The following ZNF814 variants were observed in gnomAD, a reference collection of about 807,000 sequenced individuals.
The protein encoded by ZNF814 is zinc finger protein 814.
In ZNF814, 5 loss-of-function variants were observed where a neutral mutation model predicts 7.5. That is an observed-to-expected ratio of 0.67 (90% CI 0.35 to 1.40). The LOEUF (loss-of-function observed/expected upper bound fraction) is 1.40. ZNF814 is among the 40% of genes most tolerant of loss of function. The probability of loss-of-function intolerance (pLI) is 0.04; values close to 1 mark genes in which losing one functional copy is unlikely to be tolerated. For synonymous variants in ZNF814, 315 were observed against 340.7 expected (o/e 0.92, Z 0.83); for missense variants, 962 against 1,018.0 (o/e 0.94, Z 0.75).
upstream of ZNF814, among the ~76,000 whole-genome samples, chr19:57,889,886 TAA>T (rs542092249): frequency 6.6e-6 from 1 of 151,918 alleles, no homozygotes. Flanking sequence ...AAAATAAAAA[TAA>T]AAAAATAAAT....
At chr19:57,885,025 G>A (rs2071678094) in intron 1 of ZNF814, among the ~76,000 whole-genome samples, 1 of 152,232 alleles carries the variant, frequency 6.6e-6, no homozygotes, top group Admixed American at 6.5e-5. Context: ...CAGATAAATG[G>A]ATAAAGAAAA....
intron 1 of ZNF814, among the ~76,000 whole-genome samples, chr19:57,883,466 T>C (rs1372415479): frequency 6.6e-6 from 1 of 151,712 alleles, no homozygotes; most frequent in African/African-American, 2.4e-5. Context: ...ATCGAGACTA[T>C]TCTGGCCAAT....
chr19:57,888,546 C>T (rs986050823), intron 1 of ZNF814, among the ~76,000 whole-genome samples: 14 of 152,184 alleles, frequency 9.2e-5, no homozygotes, highest in African/African-American at 3.4e-4. Flanking sequence ...AGATTCCATC[C>T]TTCTGGCTCA....
At position 57,872,698 on chromosome 19, in the gene ZNF814, T is replaced by G; in HGVS notation, c.*124A>C. The G allele has an allele frequency of 1.2e-6, 2 of 1,600,200 alleles. No individual in the cohort carries two copies. The highest frequency in any genetic ancestry group is 4.5e-5 in the East Asian group (2 of 44,716). ...TGTGAACTCTCTTATGAACACAGAA[T>G]GCAGAGCTGTGGGTAGATGACTTCC... On this transcript the variant is annotated 3_prime_UTR_variant, in exon 3 of 3. Coordinates refer to ENST00000435989, the MANE Select transcript of ZNF814 (RefSeq NM_001144989.2).
Position 57,874,019 on chromosome 19 carries a change from A to C in ZNF814, c.1371T>G (p.Val457=), listed in dbSNP as rs1197225362. 6 of 1,613,518 alleles carry C rather than the reference A, an allele frequency of 3.7e-6. No individual in the cohort carries two copies. Among genetic ancestry groups the C allele is most frequent in the Non-Finnish European group, 5.1e-6 (6 of 1,179,778 alleles). Residue 457 remains valine, a synonymous_variant, in exon 3 of 3, where the codon GTT becomes GTG. Transcript: ENST00000435989. ...SEGHLRSHQR[V]HAGERPFKCG... is the part of the protein sequence containing the mutation. Reference sequence around the variant, plus strand: ...ACTTGAAAGGTCTTTCTCCGGCGTGAACTCGTTGATGGCTCCTAAGATGTC... The same window carrying C: ...ACTTGAAAGGTCTTTCTCCGGCGTGCACTCGTTGATGGCTCCTAAGATGTC...
chr19:57,888,726 A>G (rs1195940260), intron 1 of ZNF814, 41 bp downstream of exon 1: 1 of 1,552,554 alleles, frequency 6.4e-7, no homozygotes, highest in Non-Finnish European at 8.7e-7. Flanking sequence ...CTTTTGGGTG[A>G]CGATGAGGTG....
intron 1 of ZNF814, among the ~76,000 whole-genome samples, chr19:57,887,800 A>G (rs1411795035): frequency 2.0e-5 from 3 of 152,218 alleles, no homozygotes; most frequent in Non-Finnish European, 4.4e-5. Flanking sequence ...TGCTCAAAAG[A>G]TAACACCATA....
chr19:57,902,355 A>G, the ZNF814 span, among the ~76,000 whole-genome samples: 1 of 152,134 alleles, frequency 6.6e-6, no homozygotes. Flanking sequence ...AAGCTGATGG[A>G]CTCATTGGAA....
In ZNF814 at chr19:57,872,528, G is replaced by C; in HGVS notation, c.*294C>G. 1.5e-6 allele frequency: 1 copy of C among 676,024 alleles called. No individual in the cohort carries two copies. Among genetic ancestry groups the C allele is most frequent in the Non-Finnish European group, 2.5e-6 (1 of 401,730 alleles). 41.9% of individuals were successfully genotyped at this position (676,024 alleles called of 1,614,324 possible). A position where few individuals can be genotyped will look rare whatever the true frequency, so the allele number is the denominator to read the frequency against. On this transcript the variant is annotated 3_prime_UTR_variant, in exon 3 of 3. Coordinates refer to ENST00000435989, the MANE Select transcript of ZNF814 (RefSeq NM_001144989.2). ...GTGTGAACTCTCTGATATTCAAGGA[G>C]AAAAGACCTTCAGGTAACTTTTTTC... is the stretch of plus-strand genomic sequence containing the variant.
chr19:57,900,187 C>G, the ZNF814 span: 1 of 152,094 alleles, frequency 6.6e-6, no homozygotes, highest in East Asian at 1.9e-4. Context: ...TGCTTCTGCT[C>G]AAAGGGCTGA....
In ZNF814 at chr19:57,875,097, C is replaced by G; in HGVS notation, c.293G>C (p.Gly98Ala). 1 of 1,571,070 alleles carries G rather than the reference C, an allele frequency of 6.4e-7. No homozygotes were observed. Residue 98 changes from glycine (G) to alanine (A), a missense_variant, in exon 3 of 3, where the codon GGC becomes GCC. By Grantham distance (60) the Gly-to-Ala change is moderately conservative (BLOSUM62 0). Around this residue, in one of 7 missense-constraint regions of ZNF814, gnomAD observed 65 missense variants for 131.3 expected, o/e 0.50. Coordinates refer to ENST00000435989, the MANE Select transcript of ZNF814 (RefSeq NM_001144989.2). Reference protein sequence around the residue: ...PKKAHPCEMCGPILGDILHVA... With the variant: ...PKKAHPCEMCAPILGDILHVA... The stretch of plus-strand genomic sequence containing the variant: ...ATGCAAAATGTCTCCCAAGATCGGG[C>G]CACACATCTCACAGGGGTGGGCCTT...
the ZNF814 span, among the ~76,000 whole-genome samples, chr19:57,902,953 AC>A: frequency 5.3e-5 from 8 of 152,132 alleles, no homozygotes; most frequent in Non-Finnish European, 1.0e-4. Flanking sequence ...TGCTGGGATT[AC>A]AGGTGTGAGC....
At chr19:57,889,787 A>C (rs1053218616), upstream of ZNF814, among the ~76,000 whole-genome samples, 1 of 151,856 alleles carries the variant, frequency 6.6e-6, no homozygotes, top group African/African-American at 2.4e-5. Flanking sequence ...TCTCTTGTAC[A>C]TGGGAGTCAG....
intron 1 of ZNF814, among the ~76,000 whole-genome samples, chr19:57,877,944 T>C (rs2071619254): frequency 6.6e-6 from 1 of 151,962 alleles, no homozygotes; most frequent in African/African-American, 2.4e-5. Flanking sequence ...CCAGGTGGAT[T>C]GCCTGAGGTC....
At chr19:57,883,389 A>C (rs1600139363) in intron 1 of ZNF814, among the ~76,000 whole-genome samples, 1 of 131,614 alleles carries the variant, frequency 7.6e-6, no homozygotes, top group Non-Finnish European at 1.6e-5. Flanking sequence ...CTGGCCAGGC[A>C]TGATGGCTCA....
the ZNF814 span, among the ~76,000 whole-genome samples, chr19:57,900,873 A>C: frequency 4.3e-5 from 1 of 23,134 alleles, no homozygotes; most frequent in Non-Finnish European, 1.1e-4. Flanking sequence ...TTTGAGACGG[A>C]GTCTTGCTCT....
At chr19:57,903,260 G>A in the ZNF814 span, among the ~76,000 whole-genome samples, 1 of 152,208 alleles carries the variant, frequency 6.6e-6, no homozygotes, top group Non-Finnish European at 1.5e-5. Flanking sequence ...CACTGCTGCA[G>A]TAGCTAGTGT....
rs1253208659 is a variant in ZNF814, at chr19:57,875,143, T to C, written c.247A>G (p.Met83Val). 12 of 1,557,386 alleles carry C rather than the reference T, an allele frequency of 7.7e-6. No homozygotes were observed. The highest frequency in any genetic ancestry group is 3.7e-5 in the Admixed American group (2 of 53,914). ...GCCTTCTTGGGAGACACACCTGCCATAGGAGTCCTGACCTGAGTCTCTCTT... is the reference window on the plus strand; with the variant it reads ...GCCTTCTTGGGAGACACACCTGCCACAGGAGTCCTGACCTGAGTCTCTCTT... ...IQRETQVRTP[M>V]AGVSPKKAHP... Residue 83 changes from methionine to valine, a missense_variant, in exon 3 of 3, where the codon ATG (methionine) becomes GTG (valine). By Grantham distance (21) the Met-to-Val change is conservative. Around this residue, in one of 7 missense-constraint regions of ZNF814, gnomAD observed 65 missense variants for 131.3 expected, o/e 0.50. Transcript: ENST00000435989.
chr19:57,897,820 T>C, the ZNF814 span, among the ~76,000 whole-genome samples: 1 of 152,336 alleles, frequency 6.6e-6, no homozygotes, highest in East Asian at 1.9e-4. Context: ...TAATTGATTC[T>C]AATTATGCCA....
Sources: allele counts gnomAD v4.1 joint callset (sites outside exome capture counted in the v4.1 genomes callset), GRCh38; gene constraint gnomAD v4.1.1; regional missense constraint gnomAD v4.1.1; transcripts MANE v1.5; gene names NCBI Gene and HGNC (gene_info 2026-07-23, HGNC 2026-07-21).